Variants in PLCL1 observed in about 807,000 individuals in gnomAD.
The protein encoded by PLCL1 is inactive phospholipase C-like protein 1.
In PLCL1, 41 loss-of-function variants were observed where a neutral mutation model predicts 84.4. The observed-to-expected ratio is 0.49, with a 90% CI of 0.38 to 0.63. The LOEUF (loss-of-function observed/expected upper bound fraction) is 0.63, where lower values mean the gene tolerates loss of function less well. Ranked by LOEUF, PLCL1 falls within the 30% of genes least tolerant of loss-of-function variation. The probability of loss-of-function intolerance (pLI) is 0.00; values close to 1 mark genes in which losing one functional copy is unlikely to be tolerated. For synonymous variants in PLCL1, 490 were observed against 488.3 expected (o/e 1.00, Z -0.05); for missense variants, 1,206 against 1,367.8 (o/e 0.88, Z 1.87).
intron 1 of PLCL1, among the ~76,000 whole-genome samples, chr2:197,921,154 T>G (rs1467432563): frequency 2.0e-5 from 3 of 152,202 alleles, no homozygotes; most frequent in Admixed American, 6.5e-5. Context: ...TTTGTGCATC[T>G]AAACATATCT....
At chr2:197,836,971 A>T (rs1216255672) in intron 1 of PLCL1, among the ~76,000 whole-genome samples, 1 of 152,074 alleles carries the variant, frequency 6.6e-6, no homozygotes, top group African/African-American at 2.4e-5. Context: ...AAGTGCTGGG[A>T]TTATAGGTAT....
intron 1 of PLCL1, among the ~76,000 whole-genome samples, chr2:197,958,253 G>A (rs1229712273): frequency 6.6e-6 from 1 of 151,760 alleles, no homozygotes; most frequent in Non-Finnish European, 1.5e-5. Context: ...AGGTCACCAA[G>A]TTATAAAGCA....
chr2:197,911,422 T>C (rs988053314), intron 1 of PLCL1, among the ~76,000 whole-genome samples: 4 of 152,160 alleles, frequency 2.6e-5, no homozygotes, highest in African/African-American at 9.7e-5. Context: ...TTTTCGGATA[T>C]TCCCTTTTAT....
At chr2:197,940,391 A>T (rs1689135884) in intron 1 of PLCL1, among the ~76,000 whole-genome samples, 1 of 152,224 alleles carries the variant, frequency 6.6e-6, no homozygotes, top group Admixed American at 6.5e-5. Flanking sequence ...TAGTGAGGTA[A>T]TTTCTTGATT....
chr2:197,867,509 A>G (rs1285486187), intron 1 of PLCL1, among the ~76,000 whole-genome samples: 4 of 152,004 alleles, frequency 2.6e-5, no homozygotes, highest in Non-Finnish European at 2.9e-5. Context: ...TTTATTTTTG[A>G]AAATTAGTGA....
At chr2:198,102,973 T>A (rs368777131) in intron 4 of PLCL1, among the ~76,000 whole-genome samples, 39 of 152,176 alleles carry the variant, frequency 2.6e-4, no homozygotes, top group Admixed American at 1.6e-3. Flanking sequence ...GAGCAGATGG[T>A]TGAGCTAAAA....
intron 1 of PLCL1, among the ~76,000 whole-genome samples, chr2:197,888,207 G>T (rs1265280158): frequency 6.6e-6 from 1 of 151,854 alleles, no homozygotes; most frequent in African/African-American, 2.4e-5. Flanking sequence ...TAAACTCTCT[G>T]GTTGTATTTC....
At chr2:197,919,935 T>C (rs1261558474) in intron 1 of PLCL1, among the ~76,000 whole-genome samples, 1 of 152,224 alleles carries the variant, frequency 6.6e-6, no homozygotes, top group Non-Finnish European at 1.5e-5. Context: ...CACCATTTAC[T>C]AGTTGTGTGA....
chr2:197,971,622 A>G (rs1689867178), intron 1 of PLCL1, among the ~76,000 whole-genome samples: 1 of 152,216 alleles, frequency 6.6e-6, no homozygotes, highest in South Asian at 2.1e-4. Flanking sequence ...ACCAACTTAT[A>G]TACTATTCCA....
chr2:197,952,802 G>T (rs994549626), intron 1 of PLCL1, among the ~76,000 whole-genome samples: 3 of 152,050 alleles, frequency 2.0e-5, no homozygotes, highest in African/African-American at 4.8e-5. Context: ...TTTGTAAGGG[G>T]TTTCCCCTTT....
intron 1 of PLCL1, among the ~76,000 whole-genome samples, chr2:198,075,405 G>A (rs531351045): frequency 4.0e-4 from 61 of 152,310 alleles, no homozygotes; most frequent in South Asian, 1.0e-3. Flanking sequence ...CCCTCATTTT[G>A]TTCAAATTGA....
At chr2:197,990,183 T>C (rs1417395248) in intron 1 of PLCL1, among the ~76,000 whole-genome samples, 2 of 152,324 alleles carry the variant, frequency 1.3e-5, no homozygotes, top group East Asian at 3.9e-4. Context: ...GAGCTATTTT[T>C]ATTTGCTCAT....
intron 1 of PLCL1, among the ~76,000 whole-genome samples, chr2:197,852,183 C>T (rs1044866314): frequency 4.0e-5 from 6 of 151,764 alleles, no homozygotes; most frequent in African/African-American, 1.5e-4. Flanking sequence ...TTCAAGGCAA[C>T]GTGCCTTTCA....
intron 1 of PLCL1, among the ~76,000 whole-genome samples, chr2:197,957,428 C>G (rs1174717804): frequency 6.6e-6 from 1 of 151,944 alleles, no homozygotes; most frequent in Non-Finnish European, 1.5e-5. Flanking sequence ...GGTGAAATCT[C>G]TTTTTTTGTA....
At chr2:198,146,212 A>G (rs1359591421) in intron 5 of PLCL1, among the ~76,000 whole-genome samples, 2 of 152,124 alleles carry the variant, frequency 1.3e-5, no homozygotes, top group Non-Finnish European at 2.9e-5. Flanking sequence ...ATGATGGAAA[A>G]GGCAGAAGTA....
intron 1 of PLCL1, among the ~76,000 whole-genome samples, chr2:197,934,381 C>A (rs1306481191): frequency 6.6e-6 from 1 of 152,152 alleles, no homozygotes; most frequent in African/African-American, 2.4e-5. Flanking sequence ...GCTGTAGTGG[C>A]AGAGTGTTTA....
intron 1 of PLCL1, among the ~76,000 whole-genome samples, chr2:197,988,602 T>C (rs1209809685): frequency 6.6e-6 from 1 of 152,206 alleles, no homozygotes; most frequent in Admixed American, 6.5e-5. Context: ...ATATATCACA[T>C]TTTCTTTAAC....
chr2:197,991,323 G>A (rs140942426), intron 1 of PLCL1, among the ~76,000 whole-genome samples: 27 of 152,202 alleles, frequency 1.8e-4, no homozygotes, highest in South Asian at 1.5e-3. Context: ...GGCTTTCCTG[G>A]GATTCCAGCT....
intron 4 of PLCL1, 25 bp downstream of exon 4, chr2:198,101,385 T>C (rs1282035117): frequency 2.3e-6 from 3 of 1,295,620 alleles, no homozygotes; most frequent in Non-Finnish European, 3.2e-6. Flanking sequence ...TTTTTTTTTC[T>C]GTTTTTTTTT....
Sources: gnomAD v4.1 joint callset for allele counts (sites outside exome capture counted in the v4.1 genomes callset) on GRCh38, gnomAD v4.1.1 for gene constraint, MANE v1.5 for transcripts, NCBI Gene and HGNC (gene_info 2026-07-23, HGNC 2026-07-21) for gene names.